The following SARDH variants were observed in gnomAD, a reference collection of about 807,000 sequenced individuals.
SARDH encodes the protein sarcosine dehydrogenase, mitochondrial.
In SARDH, 95 loss-of-function variants were observed where a neutral mutation model predicts 109.1. That is an observed-to-expected ratio of 0.87 (90% CI 0.74 to 1.03). The LOEUF (loss-of-function observed/expected upper bound fraction) is 1.03. Among genes scored for constraint, SARDH ranks in the 50% least tolerant of loss-of-function variants. SARDH has a pLI of 0.00. For missense variants in SARDH, 1,267 were observed against 1,287.8 expected (o/e 0.98, Z 0.25); for synonymous variants, 572 against 534.8 (o/e 1.07, Z -0.96).
At chr9:133,716,858 C>T (rs947740443) in intron 8 of SARDH, among the ~76,000 whole-genome samples, 1 of 152,138 alleles carries the variant, frequency 6.6e-6, no homozygotes, top group Non-Finnish European at 1.5e-5. Flanking sequence ...TCTCTGGGAG[C>T]GGTGGGGGCT....
intron 5 of SARDH, 88 bp from the exon 6 acceptor site, chr9:133,729,953 T>C: frequency 6.3e-7 from 1 of 1,591,044 alleles, no homozygotes; most frequent in South Asian, 1.1e-5. Flanking sequence ...TGCAGACCTG[T>C]CTGCCCTAGC....
chr9:133,717,490 C>T (rs1832169656), intron 7 of SARDH, 35 bp from the exon 8 acceptor site: 3 of 1,612,158 alleles, frequency 1.9e-6, no homozygotes, highest in Non-Finnish European at 2.5e-6. Context: ...TCTCCGTTGT[C>T]CCCAAGAAGG....
chr9:133,669,441 G>A (rs933337058), intron 19 of SARDH, among the ~76,000 whole-genome samples: 1 of 150,102 alleles, frequency 6.7e-6, no homozygotes, highest in Non-Finnish European at 1.5e-5. Flanking sequence ...TGTCCACAGA[G>A]CCCAAAGCCG....
rs1005300766 is a variant in SARDH at position 133,668,011 on chromosome 9, C to A, written c.2496-1141G>T. On this transcript the variant is annotated intron_variant, in intron 19 of 20. Transcript: ENST00000439388. Reference sequence around the variant, plus strand: ...AGCTATTATGCAGCCTGACAGGAAACCCCTGAGCAGAGCGCACTGGGTCAC... The same window carrying A: ...AGCTATTATGCAGCCTGACAGGAAAACCCTGAGCAGAGCGCACTGGGTCAC... Among the ~76,000 whole-genome samples the A allele has an allele frequency of 1.2e-4, 18 of 152,184 alleles. No individual in the cohort carries two copies. In the Middle Eastern group the frequency reaches 0.01, roughly 86 times the overall value.
chr9:133,729,878 CACAG>C lies in SARDH; in HGVS notation c.815-17_815-14del. The C allele has an allele frequency of 6.2e-7, 1 of 1,610,768 alleles. No homozygotes were observed. The highest frequency in any genetic ancestry group is 8.5e-7 in the Non-Finnish European group (1 of 1,179,668). On this transcript the variant is annotated splice_polypyrimidine_tract_variant and intron_variant, in intron 5 of 20. Coordinates refer to ENST00000439388, the MANE Select transcript of SARDH (RefSeq NM_001134707.2). ...CTTGCCCACACTCCTGCGGGCAGAG[CACAG>C]ACAGCTCAGCTCTGCTGACACCTGG...
downstream of SARDH, among the ~76,000 whole-genome samples, chr9:133,659,769 A>G (rs1286414547): frequency 6.6e-6 from 1 of 152,082 alleles, no homozygotes; most frequent in Non-Finnish European, 1.5e-5. Flanking sequence ...TAGCGCTGTG[A>G]AATGCCAGGC....
At position 133,685,305 on chromosome 9, in the gene SARDH, T is replaced by C. The variant is rs545421698; in HGVS notation, c.2070-19A>G. On this transcript the variant is annotated intron_variant, in intron 16 of 20. Coordinates refer to ENST00000439388, the MANE Select transcript of SARDH (RefSeq NM_001134707.2). ...GGCTCGGCTGCAGGCAAGAGCAAAG[T>C]CGCTCAGTCAGCAAGTGCTCACGGG... is the stretch of plus-strand genomic sequence containing the variant. 1.1e-4 allele frequency: 171 copies of C among 1,609,886 alleles called. 3 individuals carry two copies. In the South Asian group the frequency reaches 1.8e-3, roughly 17 times the overall value.
intron 13 of SARDH, among the ~76,000 whole-genome samples, chr9:133,701,556 A>C (rs192083010): frequency 6.6e-6 from 1 of 152,340 alleles, no homozygotes; most frequent in Admixed American, 6.5e-5. Context: ...GGCCGGATGA[A>C]GCCACAAAGC....
chr9:133,718,553 A>G lies in SARDH; in HGVS notation c.1020+385T>C. 1.4e-6 allele frequency: 1 copy of G among 720,812 alleles called. No homozygotes were observed. The highest frequency in any genetic ancestry group is 3.1e-4 in the Middle Eastern group (1 of 3,232). 44.7% of individuals were successfully genotyped at this position (720,812 alleles called of 1,614,324 possible). The stretch of plus-strand genomic sequence containing the variant: ...AGAACAGGGCTGCAGGGCTGCCCTA[A>G]CCCCAGAAGCTGCCCGGGAAACAGC... On this transcript the variant is annotated intron_variant, in intron 7 of 20. Transcript: ENST00000439388. This position sits in a 1 kb window ranked among gnomAD's most constrained non-coding sequence, Gnocchi z 4.2.
intron 13 of SARDH, among the ~76,000 whole-genome samples, chr9:133,699,813 C>T (rs1014841410): frequency 5.9e-5 from 9 of 152,082 alleles, no homozygotes; most frequent in Admixed American, 5.9e-4. Context: ...GAACAGTTGG[C>T]GTTCCCCCAA....
rs1451870223 is a variant in SARDH at position 133,712,672 on chromosome 9, G to T, written c.1275C>A (p.Ala425=). The T allele has an allele frequency of 1.2e-6, 2 of 1,610,212 alleles. No individual in the cohort carries two copies. The highest frequency in any genetic ancestry group is 4.5e-5 in the East Asian group (2 of 44,838). Residue 425 remains alanine, a synonymous_variant, in exon 10 of 21, where the codon GCC becomes GCA. Transcript: ENST00000439388. This position sits in a 1 kb window ranked among gnomAD's most constrained non-coding sequence, Gnocchi z 4.1. ...CCGGGCGCCCATGGATGATCCAGTG[G>T]GCCAGCTCCTGCCCACAGCCACCAC... ...MLGGGCGQEL[A]HWIIHGRPEK...
At chr9:133,689,526 G>A (rs1313507710) in intron 16 of SARDH, among the ~76,000 whole-genome samples, 3 of 152,158 alleles carry the variant, frequency 2.0e-5, no homozygotes, top group African/African-American at 7.2e-5. Flanking sequence ...CAAGGGGGAC[G>A]CATCCCCATC....
chr9:133,733,937 G>T lies in SARDH; in HGVS notation c.237C>A (p.Cys79Ter). The T allele has an allele frequency of 6.3e-6, 10 of 1,597,284 alleles. No individual in the cohort carries two copies. Among genetic ancestry groups the T allele is most frequent in the Non-Finnish European group, 8.5e-6 (10 of 1,171,586 alleles). Residue 79 changes from cysteine (C) to a stop codon, truncating the protein, a stop_gained, in exon 2 of 21, where the codon TGC becomes TGA. Transcript: ENST00000439388. LOFTEE classifies it high-confidence loss of function. ...GCTTGGCCAGGTGGTACAGGGTCTG[G>T]CAGCCCAAGCTGCCTCCACCAATGA... ...VVVIGGGSLG[C>*]QTLYHLAKLG... is the part of the protein sequence containing the mutation.
At position 133,666,831 on chromosome 9, in the gene SARDH, G is replaced by C. The variant is rs146458678; in HGVS notation, c.2535C>G (p.Asn845Lys). The C allele has an allele frequency of 6.2e-7, 1 of 1,610,724 alleles. No homozygotes were observed. The highest frequency in any genetic ancestry group is 8.5e-7 in the Non-Finnish European group (1 of 1,178,760). ...TCCGGACATGGCCCACCACTTGGCC[G>C]TTCCTCCAGATGGCCTCCAGGCCAA... ...PMFGLEAIWR[N>K]GQVVGHVRRA... The change falls in exon 20 of 21, where the codon AAC (asparagine) becomes AAG (lysine). Residue 845 changes from asparagine (N) to lysine (K), a missense_variant. Transcript: ENST00000439388. The surrounding 1 kb of genome is among the most constrained non-coding windows in gnomAD (Gnocchi z 5.2).
At chr9:133,730,399 G>A (rs1374340959) in intron 4 of SARDH, among the ~76,000 whole-genome samples, 1 of 151,772 alleles carries the variant, frequency 6.6e-6, no homozygotes, top group Non-Finnish European at 1.5e-5. Flanking sequence ...TTGAAAGTTG[G>A]GCAAGTTCTT....
At chr9:133,733,749 T>G (rs769649309) in intron 2 of SARDH, 94 bp downstream of exon 2, 174 of 1,235,554 alleles carry the variant, frequency 1.4e-4, no homozygotes, top group Non-Finnish European at 1.8e-4. Flanking sequence ...CCAGGCTGGT[T>G]GTTGTGAACC....
intron 17 of SARDH, among the ~76,000 whole-genome samples, chr9:133,672,498 GA>G (rs1201049305): frequency 6.6e-6 from 1 of 152,224 alleles, no homozygotes; most frequent in Admixed American, 6.5e-5. Flanking sequence ...GAAGCTCTGA[GA>G]CACGTCTGCG....
At chr9:133,660,690 G>T (rs965650267), downstream of SARDH, among the ~76,000 whole-genome samples, 11 of 152,070 alleles carry the variant, frequency 7.2e-5, no homozygotes, top group Non-Finnish European at 1.0e-4. Flanking sequence ...CTCCCAGGGG[G>T]CAGGGACTGC....
At chr9:133,727,863 T>G (rs1832545333) in intron 6 of SARDH, among the ~76,000 whole-genome samples, 1 of 152,032 alleles carries the variant, frequency 6.6e-6, no homozygotes. Flanking sequence ...GAAAGGCACC[T>G]CAAAGGCAGG....
Sources: gnomAD v4.1 joint callset for allele counts (sites outside exome capture counted in the v4.1 genomes callset) on GRCh38, gnomAD v4.1.1 for gene constraint, Gnocchi (gnomAD v3.1) non-coding constraint, MANE v1.5 for transcripts, NCBI Gene and HGNC (gene_info 2026-07-23, HGNC 2026-07-21) for gene names.